The following CLSTN2 variants were observed in gnomAD, a reference collection of about 807,000 sequenced individuals.
CLSTN2 encodes calsyntenin 2.
A neutral mutation model predicts 101.2 loss-of-function variants in CLSTN2; 48 were observed. That is an observed-to-expected ratio of 0.47 (90% CI 0.38 to 0.60). CLSTN2 has a LOEUF of 0.60. CLSTN2 is among the 20% of genes least tolerant of loss of function. The pLI is 0.00. For missense variants in CLSTN2, 1,160 were observed against 1,238.2 expected (o/e 0.94, Z 0.95); for synonymous variants, 481 against 463.6 (o/e 1.04, Z -0.48).
Position 140,562,950 on chromosome 3 carries a change from C to T in CLSTN2, c.2352C>T (p.Asn784=), listed in dbSNP as rs768465788. The T allele has an allele frequency of 2.5e-6, 4 of 1,614,000 alleles. No individual in the cohort carries two copies. The African/African-American group carries it at 5.3e-5, about 22-fold the overall frequency. The change falls in exon 14 of 17, where the codon AAC becomes AAT. Residue 784 remains asparagine (N), a synonymous_variant. Coordinates refer to ENST00000458420, the MANE Select transcript of CLSTN2 (RefSeq NM_022131.3). The stretch of plus-strand genomic sequence containing the variant: ...GGCGCTACACTAGCAATGAGTTCAA[C>T]TTGGAGGTGAGTGGGTCCTGCCATT... ...LNGRYTSNEF[N]LEVSILHEDQ... is the part of the protein sequence containing the mutation.
chr3:140,059,805 T>G (rs1459097531), intron 1 of CLSTN2, among the ~76,000 whole-genome samples: 3 of 152,178 alleles, frequency 2.0e-5, no homozygotes, highest in Non-Finnish European at 4.4e-5. Flanking sequence ...GGGAGGTATT[T>G]GTCTATTAAG....
chr3:140,534,653 C>G (rs144854484), intron 9 of CLSTN2, among the ~76,000 whole-genome samples: 1 of 152,180 alleles, frequency 6.6e-6, no homozygotes, highest in Non-Finnish European at 1.5e-5. Context: ...GAAAACATGG[C>G]AAATCGTGCA....
intron 5 of CLSTN2, among the ~76,000 whole-genome samples, chr3:140,422,086 T>C (rs2088512530): frequency 6.6e-6 from 1 of 152,192 alleles, no homozygotes; most frequent in South Asian, 2.1e-4. Context: ...AGGCTATTGC[T>C]TACTCATAAC....
chr3:140,277,925 G>A (rs571912037), intron 2 of CLSTN2, among the ~76,000 whole-genome samples: 2 of 152,226 alleles, frequency 1.3e-5, no homozygotes, highest in Admixed American at 1.3e-4. Context: ...TGTGACAGCA[G>A]TGCTTTCAGA....
At chr3:140,181,427 T>TG (rs2010406752) in intron 2 of CLSTN2, among the ~76,000 whole-genome samples, 1 of 152,166 alleles carries the variant, frequency 6.6e-6, no homozygotes, top group African/African-American at 2.4e-5. Context: ...TTATAATCTG[T>TG]GATTTTTTTT....
chr3:140,169,896 T>C (rs889761235), intron 1 of CLSTN2, among the ~76,000 whole-genome samples: 3 of 152,160 alleles, frequency 2.0e-5, no homozygotes, highest in African/African-American at 7.2e-5. Context: ...TATGTTTGCA[T>C]ACATCATTTC....
At chr3:140,220,347 G>A (rs1162514999) in intron 2 of CLSTN2, among the ~76,000 whole-genome samples, 1 of 152,202 alleles carries the variant, frequency 6.6e-6, no homozygotes, top group Non-Finnish European at 1.5e-5. Context: ...GCTGGTGGGG[G>A]CAGAGAGTGC....
At chr3:140,141,677 G>A (rs2009699376) in intron 1 of CLSTN2, among the ~76,000 whole-genome samples, 2 of 152,304 alleles carry the variant, frequency 1.3e-5, no homozygotes, top group Admixed American at 6.5e-5. Context: ...GTCAGTTCCA[G>A]CATCTTATGC....
intron 2 of CLSTN2, among the ~76,000 whole-genome samples, chr3:140,307,287 T>A (rs12695712): frequency 6.6e-6 from 1 of 151,894 alleles, no homozygotes; most frequent in Non-Finnish European, 1.5e-5. Flanking sequence ...TCCCAAACCA[T>A]GTGGGACATT....
rs115306277 is a variant in CLSTN2, at chr3:140,284,931, C to G, written c.232+108858C>G. ...AGCCTGCCAACCCCCACCTCTCACC[C>G]CTACTCCAAGAAAACCTACCCTGAG... On this transcript the variant is annotated intron_variant, in intron 2 of 16. Transcript: ENST00000458420. 9.2e-3 allele frequency among the ~76,000 whole-genome samples: 1,395 copies of G among 152,150 alleles called. 17 individuals are homozygous for G. Among genetic ancestry groups the G allele is most frequent in the Non-Finnish European group, 0.015 (1,034 of 68,004 alleles).
rs563026046 is a variant in CLSTN2 at position 140,334,136 on chromosome 3, C to T, written c.233-69493C>T. On this transcript the variant is annotated intron_variant, in intron 2 of 16. Transcript: ENST00000458420. ...TTTCCTCATCTACAAAATGAAAATG[C>T]TCCTATTTCTGGAGGGGTGTCACAA... Among the ~76,000 whole-genome samples the T allele has an allele frequency of 7.2e-5, 11 of 152,238 alleles. No homozygotes were observed. In the South Asian group the frequency reaches 1.9e-3, roughly 26 times the overall value.
chr3:140,051,222 G>A (rs1408265496), intron 1 of CLSTN2, among the ~76,000 whole-genome samples: 2 of 152,230 alleles, frequency 1.3e-5, no homozygotes, highest in African/African-American at 4.8e-5. Flanking sequence ...GGTTTAAACA[G>A]CAAATTGCAT....
intron 1 of CLSTN2, among the ~76,000 whole-genome samples, chr3:140,017,775 G>T (rs187817165): frequency 3.5e-4 from 54 of 152,298 alleles, no homozygotes; most frequent in Admixed American, 9.8e-4. Flanking sequence ...AGAGCCTCCC[G>T]CACAAGCAAA....
chr3:140,472,923 C>T (rs1455136283), intron 8 of CLSTN2, among the ~76,000 whole-genome samples: 1 of 152,132 alleles, frequency 6.6e-6, no homozygotes, highest in Non-Finnish European at 1.5e-5. Context: ...TATTCTAGTC[C>T]CTCTCCCTGA....
intron 4 of CLSTN2, among the ~76,000 whole-genome samples, chr3:140,413,490 C>G (rs556356203): frequency 5.9e-5 from 9 of 152,168 alleles, no homozygotes; most frequent in East Asian, 5.8e-4. Context: ...GAACTAATAC[C>G]AGTCCTTCTC....
intron 2 of CLSTN2, among the ~76,000 whole-genome samples, chr3:140,211,866 G>C (rs540300809): frequency 1.4e-3 from 220 of 152,150 alleles, no homozygotes; most frequent in South Asian, 3.7e-3. Flanking sequence ...GGCTTCCAAG[G>C]GCCTAGTGCT....
intron 1 of CLSTN2, among the ~76,000 whole-genome samples, chr3:139,997,410 T>G (rs1405035021): frequency 1.3e-5 from 2 of 152,224 alleles, no homozygotes; most frequent in African/African-American, 2.4e-5. Context: ...GCAATTGCAA[T>G]TCAATTTTTA....
chr3:139,971,251 T>C (rs1201113728), intron 1 of CLSTN2, among the ~76,000 whole-genome samples: 1 of 152,180 alleles, frequency 6.6e-6, no homozygotes, highest in African/African-American at 2.4e-5. Flanking sequence ...AGAAATTAGA[T>C]GAGAGGCATC....
intron 7 of CLSTN2, among the ~76,000 whole-genome samples, chr3:140,462,476 T>G (rs2108018225): frequency 6.6e-6 from 1 of 152,332 alleles, no homozygotes; most frequent in Non-Finnish European, 1.5e-5. Flanking sequence ...ATAGAAATGT[T>G]AGGAAAGGAA....
Sources: gnomAD v4.1 joint callset for allele counts (sites outside exome capture counted in the v4.1 genomes callset) on GRCh38, gnomAD v4.1.1 for gene constraint, MANE v1.5 for transcripts, NCBI Gene and HGNC (gene_info 2026-07-23, HGNC 2026-07-21) for gene names.